Variants in DNAH8 observed in about 807,000 individuals in gnomAD.
DNAH8 encodes dynein axonemal heavy chain 8.
A neutral mutation model predicts 562.1 loss-of-function variants in DNAH8; 382 were observed. The ratio of observed to expected loss-of-function variants is 0.68; its 90% CI spans 0.63 to 0.74. The LOEUF (loss-of-function observed/expected upper bound fraction) is 0.74. Among genes scored for constraint, DNAH8 ranks in the 30% least tolerant of loss-of-function variants. DNAH8 has a pLI of 0.00. For synonymous variants in DNAH8, 1,881 were observed against 1,919.4 expected (o/e 0.98, Z 0.52); for missense variants, 5,203 against 5,620.4 (o/e 0.93, Z 2.37).
rs1778182362 is a variant in DNAH8, at chr6:38,878,292, A to G, written c.7858+2464A>G. 2.0e-5 allele frequency among the ~76,000 whole-genome samples: 3 copies of G among 152,190 alleles called. No individual in the cohort carries two copies. In the South Asian group the frequency reaches 6.2e-4, roughly 32 times the overall value. Reference sequence around the variant, plus strand: ...ATACATTTTTTTCCAGTGCACGGAAAACACTTACCAAGATATTCTGGGTCA... The same window carrying G: ...ATACATTTTTTTCCAGTGCACGGAAGACACTTACCAAGATATTCTGGGTCA... On this transcript the variant is annotated intron_variant, in intron 53 of 92. Transcript: ENST00000327475.
chr6:38,828,147 C>G (rs754386812), intron 29 of DNAH8, 37 bp from the exon 30 acceptor site: 13 of 1,354,984 alleles, frequency 9.6e-6, no homozygotes, highest in Non-Finnish European at 1.3e-5. Context: ...AATGGCTTTC[C>G]CTTGTGATAT....
chr6:38,860,308 G>A (rs1776517000), intron 42 of DNAH8, 149 bp from the exon 43 acceptor site: 2 of 441,578 alleles, frequency 4.5e-6, no homozygotes, highest in African/African-American at 2.0e-5. Context: ...TGTTTGCCTA[G>A]CACAGTGTCA....
intron 43 of DNAH8, 45 bp from the exon 44 acceptor site, chr6:38,862,235 G>T: frequency 6.4e-7 from 1 of 1,562,646 alleles, no homozygotes; most frequent in South Asian, 1.2e-5. Context: ...ATCCTGTAAC[G>T]TGTCATCCCA....
At chr6:38,791,786 TTTTTG>T in intron 21 of DNAH8, 112 bp downstream of exon 21, 2 of 1,103,930 alleles carry the variant, frequency 1.8e-6, no homozygotes, top group Non-Finnish European at 2.5e-6. Context: ...AGACTTTTTT[TTTTTG>T]TTTTTTGTGA....
intron 11 of DNAH8, among the ~76,000 whole-genome samples, chr6:38,768,913 G>T (rs573796411): frequency 9.3e-4 from 142 of 152,210 alleles, no homozygotes; most frequent in Non-Finnish European, 1.4e-3. Flanking sequence ...TTTGGGAATA[G>T]GAGTCAGAAA....
At chr6:38,981,774 T>G (rs1005920122) in intron 85 of DNAH8, among the ~76,000 whole-genome samples, 10 of 152,192 alleles carry the variant, frequency 6.6e-5, no homozygotes, top group African/African-American at 2.2e-4. Context: ...AGACCTAGAC[T>G]TTTTTTAAAA....
intron 24 of DNAH8, among the ~76,000 whole-genome samples, chr6:38,809,839 A>G (rs1018954115): frequency 1.3e-5 from 2 of 152,182 alleles, no homozygotes; most frequent in African/African-American, 4.8e-5. Flanking sequence ...AGGTGCATAC[A>G]AGGTCGTAGT....
chr6:38,880,416 CTATTTGA>C (rs1352819338), intron 53 of DNAH8, among the ~76,000 whole-genome samples: 4 of 152,100 alleles, frequency 2.6e-5, no homozygotes, highest in Non-Finnish European at 5.9e-5. Context: ...GATTATTTTG[CTATTTGA>C]AATAGCAAAA....
intron 79 of DNAH8, among the ~76,000 whole-genome samples, chr6:38,942,526 T>C (rs141025812): frequency 6.6e-5 from 10 of 152,226 alleles, no homozygotes; most frequent in African/African-American, 2.4e-4. Flanking sequence ...CTGCCCAGTG[T>C]CACACCCACC....
intron 9 of DNAH8, 23 bp downstream of exon 9, chr6:38,750,612 A>AT: frequency 6.9e-7 from 1 of 1,455,274 alleles, no homozygotes; most frequent in Non-Finnish European, 9.6e-7. Flanking sequence ...TTAAAGTACA[A>AT]TTTTAAACTG....
rs1347530499 is a variant in DNAH8, at chr6:38,955,528, G to A, written c.12451+4008G>A. ...CACTTGTAATCCCAGTTACTCGGGA[G>A]GCTGAGACATGAGAATAGCTTGAAC... On this transcript the variant is annotated intron_variant, in intron 82 of 92. Coordinates refer to ENST00000327475, the MANE Select transcript of DNAH8 (RefSeq NM_001206927.2). Among the ~76,000 whole-genome samples, 6 of 152,030 alleles carry A rather than the reference G, an allele frequency of 3.9e-5. No homozygotes were observed. The East Asian group carries it at 1.2e-3, about 30-fold the overall frequency.
chr6:39,017,845 A>G (rs1432348332), intron 91 of DNAH8, among the ~76,000 whole-genome samples: 2 of 152,236 alleles, frequency 1.3e-5, no homozygotes, highest in South Asian at 4.1e-4. Context: ...TCAGGGAAAC[A>G]TCATCAACTA....
At chr6:39,017,644 T>C (rs530613243) in intron 91 of DNAH8, among the ~76,000 whole-genome samples, 25 of 152,306 alleles carry the variant, frequency 1.6e-4, no homozygotes, top group Non-Finnish European at 2.6e-4. Flanking sequence ...TTTTCTGTTA[T>C]TTTTTTCTCA....
At chr6:38,931,489 G>A (rs1382560093) in intron 75 of DNAH8, 1 of 159,314 alleles carries the variant, frequency 6.3e-6, no homozygotes, top group Non-Finnish European at 1.4e-5. Flanking sequence ...ATTGATGGGA[G>A]TGATAAGTAC....
At chr6:38,841,739 A>G (rs1259288842) in intron 33 of DNAH8, among the ~76,000 whole-genome samples, 1 of 150,342 alleles carries the variant, frequency 6.7e-6, no homozygotes, top group Non-Finnish European at 1.5e-5. Context: ...TTTTTTTTGG[A>G]TAGGATCTTG....
chr6:38,851,868 T>C lies in DNAH8; in HGVS notation c.5466+194T>C, dbSNP rs16891127. On this transcript the variant is annotated intron_variant, in intron 39 of 92. Transcript: ENST00000327475. ...GCAGTCCAGCAGTGTTAAGTGACTA[T>C]GCACTGACTATGCCATTCCTAGCTG... is the stretch of plus-strand genomic sequence containing the variant. 0.01 allele frequency among the ~76,000 whole-genome samples: 1,553 copies of C among 152,328 alleles called. 84 individuals are homozygous for C. The East Asian group carries it at 0.15, about 14-fold the overall frequency.
chr6:38,915,490 C>A, intron 68 of DNAH8, 113 bp downstream of exon 68: 1 of 927,556 alleles, frequency 1.1e-6, no homozygotes, highest in Non-Finnish European at 1.5e-6. Context: ...GATTGATAAT[C>A]TCTGAGTCTG....
At chr6:38,898,008 T>C (rs1249216611) in intron 60 of DNAH8, among the ~76,000 whole-genome samples, 1 of 152,196 alleles carries the variant, frequency 6.6e-6, no homozygotes, top group African/African-American at 2.4e-5. Flanking sequence ...TTAATTACTA[T>C]GGATAGGAGT....
intron 18 of DNAH8, among the ~76,000 whole-genome samples, chr6:38,788,686 A>G (rs1265055515): frequency 6.6e-6 from 1 of 152,144 alleles, no homozygotes; most frequent in Non-Finnish European, 1.5e-5. Flanking sequence ...ACTATCCCTT[A>G]TCAGATATAT....
Sources: gnomAD v4.1 joint callset for allele counts (sites outside exome capture counted in the v4.1 genomes callset) on GRCh38, gnomAD v4.1.1 for gene constraint, MANE v1.5 for transcripts, NCBI Gene and HGNC (gene_info 2026-07-23, HGNC 2026-07-21) for gene names.